The following BMP8B variants were observed in gnomAD, a reference collection of about 807,000 sequenced individuals.
The protein encoded by BMP8B is bone morphogenetic protein 8b.
In BMP8B, 17 loss-of-function variants were observed where a neutral mutation model predicts 30.3. The ratio of observed to expected loss-of-function variants is 0.56; its 90% CI spans 0.38 to 0.84. BMP8B has a LOEUF of 0.84. Among genes scored for constraint, BMP8B ranks in the 40% least tolerant of loss-of-function variants. The pLI is 0.00. For missense variants in BMP8B, 253 were observed against 494.6 expected (o/e 0.51, Z 4.63); for synonymous variants, 131 against 214.7 (o/e 0.61, Z 3.41).
In BMP8B at chr1:39,763,153, T is replaced by A; in HGVS notation, c.998A>T (p.Glu333Val). The change falls in exon 6 of 7, where the codon GAG becomes GTG. Residue 333 changes from glutamate to valine, a missense_variant. Glu to Val is a moderately radical substitution (Grantham distance 121). Coordinates refer to ENST00000372827, the MANE Select transcript of BMP8B (RefSeq NM_001720.5). ...QGYSAYYCEG[E>V]CSFPLDSCMN... ...GCAGGAGTCCAGTGGGAAGGAGCAC[T>A]CCCCCTCACAGTAATAGGCCGAGTA... 6.2e-7 allele frequency: 1 copy of A among 1,613,716 alleles called. No individual in the cohort carries two copies. Among genetic ancestry groups the A allele is most frequent in the Non-Finnish European group, 8.5e-7 (1 of 1,179,880 alleles).
At chr1:39,777,219 A>G (rs910120002) in intron 1 of BMP8B, among the ~76,000 whole-genome samples, 1 of 152,270 alleles carries the variant, frequency 6.6e-6, no homozygotes, top group African/African-American at 2.4e-5. Flanking sequence ...CACAGGAAAC[A>G]GACCAAGCTA....
intron 3 of BMP8B, among the ~76,000 whole-genome samples, chr1:39,768,844 G>C (rs1476569847): frequency 6.6e-6 from 1 of 150,534 alleles, no homozygotes; most frequent in Non-Finnish European, 1.5e-5. Flanking sequence ...CTAGGTAACA[G>C]AGCGAGATTC....
rs1022520308 is a variant in BMP8B at position 39,757,590 on chromosome 1, T to C, written c.*2829A>G. 3 of 152,280 alleles carry C rather than the reference T, an allele frequency of 2.0e-5. No homozygotes were observed. The highest frequency in any genetic ancestry group is 2.0e-4 in the Admixed American group (3 of 15,274). 9.4% of individuals were successfully genotyped at this position (152,280 alleles called of 1,614,324 possible). On this transcript the variant is annotated 3_prime_UTR_variant, in exon 7 of 7. Transcript: ENST00000372827. ...ATTCCTCTTTTGCCTGTTGTATGCG[T>C]CCTCTCTTCCTGTCAACTGTCATTG...
intron 3 of BMP8B, chr1:39,770,346 T>C: frequency 6.3e-7 from 1 of 1,592,598 alleles, no homozygotes; most frequent in East Asian, 2.3e-5. Flanking sequence ...GCTGCGCGTC[T>C]GATGATGCGC....
At chr1:39,780,778 C>T (rs949095531) in intron 1 of BMP8B, among the ~76,000 whole-genome samples, 26 of 152,204 alleles carry the variant, frequency 1.7e-4, no homozygotes, top group Non-Finnish European at 2.6e-4. Flanking sequence ...ACCTGTACTT[C>T]CCAGCTACTT....
At chr1:39,762,562 A>C (rs1325030287) in intron 6 of BMP8B, 1 of 1,550,398 alleles carries the variant, frequency 6.4e-7, no homozygotes, top group Non-Finnish European at 8.7e-7. Flanking sequence ...ATCCAGAAAA[A>C]ACAAAGATGG....
chr1:39,770,577 C>T, intron 3 of BMP8B: 1 of 1,604,936 alleles, frequency 6.2e-7, no homozygotes. Flanking sequence ...AAATTGCGGG[C>T]GCTTCTCCTG....
At chr1:39,787,418 C>A (rs1229487603) in intron 1 of BMP8B, among the ~76,000 whole-genome samples, 2 of 152,206 alleles carry the variant, frequency 1.3e-5, no homozygotes, top group Non-Finnish European at 2.9e-5. Context: ...GAAAAAAAAT[C>A]TCTGAGATCT....
intron 1 of BMP8B, among the ~76,000 whole-genome samples, chr1:39,781,675 A>T (rs537541751): frequency 6.6e-6 from 1 of 152,294 alleles, no homozygotes; most frequent in South Asian, 2.1e-4. Flanking sequence ...TTTTGGATGC[A>T]CCCACAACAA....
chr1:39,760,679 A>T lies in BMP8B; in HGVS notation c.1060-111T>A, dbSNP rs550987307. ...TCCCTGCCCTGGCCATCTCCAGGCCACATGGGAGCAGCACAATAATAATAA... is the reference window on the plus strand; with the variant it reads ...TCCCTGCCCTGGCCATCTCCAGGCCTCATGGGAGCAGCACAATAATAATAA... On this transcript the variant is annotated intron_variant, in intron 6 of 6. Transcript: ENST00000372827. The T allele has an allele frequency of 6.7e-6, 9 of 1,334,044 alleles. No homozygotes were observed. The Admixed American group carries it at 9.4e-5, about 14-fold the overall frequency. 82.6% of individuals were successfully genotyped at this position (1,334,044 alleles called of 1,614,324 possible).
rs1305776391 is a variant in BMP8B, at chr1:39,788,651, G to C, written c.-166C>G. 2 of 573,578 alleles carry C rather than the reference G, an allele frequency of 3.5e-6. No homozygotes were observed. Among genetic ancestry groups the C allele is most frequent in the Non-Finnish European group, 4.4e-6 (2 of 454,514 alleles). 35.5% of individuals were successfully genotyped at this position (573,578 alleles called of 1,614,324 possible). ...GACCGCGGCCTCAGCGCGGTCCCTG[G>C]AGCGCCCGCCGCGCGACACCTGTCC... On this transcript the variant is annotated 5_prime_UTR_variant, in exon 1 of 7. Coordinates refer to ENST00000372827, the MANE Select transcript of BMP8B (RefSeq NM_001720.5). This position sits in a 1 kb window ranked among gnomAD's most constrained non-coding sequence, Gnocchi z 5.8.
At chr1:39,775,960 C>T (rs1351261068) in intron 1 of BMP8B, among the ~76,000 whole-genome samples, 4 of 152,298 alleles carry the variant, frequency 2.6e-5, no homozygotes, top group South Asian at 2.1e-4. Flanking sequence ...GAGGGGACCT[C>T]GCATGCACAG....
At chr1:39,775,826 G>GT (rs1223662136) in intron 1 of BMP8B, among the ~76,000 whole-genome samples, 3 of 151,038 alleles carry the variant, frequency 2.0e-5, no homozygotes, top group Non-Finnish European at 4.4e-5. Flanking sequence ...GGCCAGTCAG[G>GT]TGCTGGGGAA....
intron 1 of BMP8B, among the ~76,000 whole-genome samples, chr1:39,781,165 C>T (rs933954960): frequency 6.6e-6 from 1 of 152,222 alleles, no homozygotes; most frequent in African/African-American, 2.4e-5. Context: ...AGTAGGTTTG[C>T]AGCAGTGCTT....
chr1:39,785,328 C>G (rs1650896351), intron 1 of BMP8B, among the ~76,000 whole-genome samples: 1 of 143,066 alleles, frequency 7.0e-6, no homozygotes, highest in African/African-American at 2.6e-5. Context: ...AATCCAACCG[C>G]TCCATCACTG....
At position 39,788,066 on chromosome 1, in the gene BMP8B, C is replaced by G. The variant is rs1404883715; in HGVS notation, c.334+86G>C. ...CCACCGTCTGTGACTCCCCGTTCGGCCAGGGCCCGGCACAGCCCGCGGATG... is the reference window on the plus strand; with the variant it reads ...CCACCGTCTGTGACTCCCCGTTCGGGCAGGGCCCGGCACAGCCCGCGGATG... On this transcript the variant is annotated intron_variant, in intron 1 of 6. Coordinates refer to ENST00000372827, the MANE Select transcript of BMP8B (RefSeq NM_001720.5). This position sits in a 1 kb window ranked among gnomAD's most constrained non-coding sequence, Gnocchi z 5.8. 1.4e-6 allele frequency: 2 copies of G among 1,393,036 alleles called. No homozygotes were observed. Among genetic ancestry groups the G allele is most frequent in the Non-Finnish European group, 1.9e-6 (2 of 1,077,422 alleles). 86.3% of individuals were successfully genotyped at this position (1,393,036 alleles called of 1,614,324 possible).
At chr1:39,777,727 G>A (rs550872461) in intron 1 of BMP8B, among the ~76,000 whole-genome samples, 1 of 152,336 alleles carries the variant, frequency 6.6e-6, no homozygotes, top group South Asian at 2.1e-4. Flanking sequence ...CTTGTGGCCT[G>A]TGACCCATCC....
chr1:39,763,247 C>G, intron 5 of BMP8B, 45 bp from the exon 6 acceptor site: 1 of 1,548,016 alleles, frequency 6.5e-7, no homozygotes, highest in Non-Finnish European at 8.8e-7. Context: ...GTGCCCCTCC[C>G]TGAGCCTCAG....
At chr1:39,771,500 G>A (rs1269996629) in intron 3 of BMP8B, among the ~76,000 whole-genome samples, 1 of 151,770 alleles carries the variant, frequency 6.6e-6, no homozygotes, top group Non-Finnish European at 1.5e-5. Flanking sequence ...GCAGGACAGA[G>A]CTGAGGTCAG....
Sources: gnomAD v4.1 joint callset for allele counts (sites outside exome capture counted in the v4.1 genomes callset) on GRCh38, gnomAD v4.1.1 for gene constraint, Gnocchi (gnomAD v3.1) non-coding constraint, MANE v1.5 for transcripts, NCBI Gene and HGNC (gene_info 2026-07-23, HGNC 2026-07-21) for gene names.